SLC45A1: variants seen among roughly 807,000 people sequenced by gnomAD.
SLC45A1 encodes the protein proton-associated sugar transporter A.
SLC45A1 carries 28 observed loss-of-function variants against 57.6 expected under a neutral mutation model. The ratio of observed to expected loss-of-function variants is 0.49; its 90% CI spans 0.36 to 0.67. The LOEUF (loss-of-function observed/expected upper bound fraction) is 0.67, where lower values mean the gene tolerates loss of function less well. Among genes scored for constraint, SLC45A1 ranks in the 30% least tolerant of loss-of-function variants. The pLI is 0.00. For synonymous variants in SLC45A1, 459 were observed against 471.5 expected (o/e 0.97, Z 0.34); for missense variants, 814 against 1,041.5 (o/e 0.78, Z 3.01).
Position 8,335,047 on chromosome 1 carries a change from T to G in SLC45A1, c.1444-390T>G, listed in dbSNP as rs1229558711. 1.3e-5 allele frequency among the ~76,000 whole-genome samples: 2 copies of G among 152,168 alleles called. No homozygotes were observed. Among genetic ancestry groups the G allele is most frequent in the African/African-American group, 4.8e-5 (2 of 41,430 alleles). On this transcript the variant is annotated intron_variant, in intron 5 of 8. Coordinates refer to ENST00000471889, the MANE Select transcript of SLC45A1 (RefSeq NM_001080397.3). The surrounding 1 kb of genome is among the most constrained non-coding windows in gnomAD (Gnocchi z 4.1). ...CATGTTCCTGGTGGCCACCTTGAAA[T>G]AAGTCGTTCCCAGTCTTCTTTTACA...
chr1:8,333,200 TAG>T (rs1640472552), intron 5 of SLC45A1, among the ~76,000 whole-genome samples: 1 of 152,154 alleles, frequency 6.6e-6, no homozygotes, highest in South Asian at 2.1e-4. Context: ...GGAGGTTAAC[TAG>T]AGATGGGGCT....
chr1:8,323,362 G>A (rs1640091546), intron 1 of SLC45A1, among the ~76,000 whole-genome samples: 1 of 151,762 alleles, frequency 6.6e-6, no homozygotes, highest in South Asian at 2.1e-4. Flanking sequence ...GTGGTGGGGG[G>A]TGCCTGTAAT....
chr1:8,330,483 G>T lies in SLC45A1; in HGVS notation c.990G>T (p.Thr330=). Residue 330 remains threonine (T), a synonymous_variant, in exon 5 of 9, where the codon ACG becomes ACT. Coordinates refer to ENST00000471889, the MANE Select transcript of SLC45A1 (RefSeq NM_001080397.3). The surrounding 1 kb of genome is among the most constrained non-coding windows in gnomAD (Gnocchi z 8.4). The stretch of plus-strand genomic sequence containing the variant: ...CTGGCGACAGCCTCCCGTCGCACAC[G>T]GCCACCAACTTCTCCAGCCCCATCT... ...EGPGDSLPSH[T]ATNFSSPISP... 2.5e-6 allele frequency: 4 copies of T among 1,612,776 alleles called. No individual in the cohort carries two copies. In the South Asian group the frequency reaches 4.4e-5, roughly 18 times the overall value.
chr1:8,322,229 G>T (rs1199418473), intron 1 of SLC45A1, among the ~76,000 whole-genome samples: 2 of 7,880 alleles, frequency 2.5e-4, no homozygotes, highest in African/African-American at 5.4e-4. Flanking sequence ...ATGGATGGAT[G>T]GGTGGGTGGG....
chr1:8,326,326 A>G lies in SLC45A1; in HGVS notation c.715+284A>G, dbSNP rs930558317. 2.0e-5 allele frequency among the ~76,000 whole-genome samples: 3 copies of G among 152,220 alleles called. No individual in the cohort carries two copies. The highest frequency in any genetic ancestry group is 7.2e-5 in the African/African-American group (3 of 41,458). On this transcript the variant is annotated intron_variant, in intron 4 of 8. Transcript: ENST00000471889. This position sits in a 1 kb window ranked among gnomAD's most constrained non-coding sequence, Gnocchi z 5.5. ...AGTTATGTTCTGCAGAGTCACCACAAACACTGAATTAGCAAACACCGCATC... is the reference window on the plus strand; with the variant it reads ...AGTTATGTTCTGCAGAGTCACCACAGACACTGAATTAGCAAACACCGCATC...
In SLC45A1 at chr1:8,344,164, C is replaced by A; in HGVS notation, c.*151C>A. 1.3e-6 allele frequency: 1 copy of A among 743,348 alleles called. No individual in the cohort carries two copies. Among genetic ancestry groups the A allele is most frequent in the Non-Finnish European group, 2.0e-6 (1 of 491,852 alleles). 46.0% of individuals were successfully genotyped at this position (743,348 alleles called of 1,614,324 possible). ...AAAATAATAAATGACAGCGGCAAAG[C>A]CTATGGTTTCTAGGCATTGCTCTCT... On this transcript the variant is annotated 3_prime_UTR_variant, in exon 9 of 9. Coordinates refer to ENST00000471889, the MANE Select transcript of SLC45A1 (RefSeq NM_001080397.3).
chr1:8,333,505 G>A (rs566439216), intron 5 of SLC45A1, among the ~76,000 whole-genome samples: 1 of 152,168 alleles, frequency 6.6e-6, no homozygotes, highest in South Asian at 2.1e-4. Context: ...GTGCATTCAC[G>A]GCTCACTGCA....
At position 8,328,696 on chromosome 1, in the gene SLC45A1, G is replaced by A. The variant is rs774993362; in HGVS notation, c.716-1513G>A. Reference sequence around the variant, plus strand: ...TCTACTAAACATACAAAAATTAGCCGGGCGTGGTGGTGAGCGCCTGTAATC... The same window carrying A: ...TCTACTAAACATACAAAAATTAGCCAGGCGTGGTGGTGAGCGCCTGTAATC... On this transcript the variant is annotated intron_variant, in intron 4 of 8. Coordinates refer to ENST00000471889, the MANE Select transcript of SLC45A1 (RefSeq NM_001080397.3). The surrounding 1 kb of genome is among the most constrained non-coding windows in gnomAD (Gnocchi z 4.6). Among the ~76,000 whole-genome samples, 6 of 152,072 alleles carry A rather than the reference G, an allele frequency of 3.9e-5. No homozygotes were observed. The highest frequency in any genetic ancestry group is 3.9e-4 in the East Asian group (2 of 5,174).
intron 1 of SLC45A1, among the ~76,000 whole-genome samples, chr1:8,323,576 C>T (rs1272116621): frequency 1.3e-5 from 2 of 151,386 alleles, no homozygotes; most frequent in East Asian, 1.9e-4. Context: ...CCTCTGCATT[C>T]GCATGTTGTC....
At chr1:8,318,295 C>T (rs774544635) in intron 1 of SLC45A1, 109 bp downstream of exon 1, 9 of 400,366 alleles carry the variant, frequency 2.2e-5, no homozygotes, top group Non-Finnish European at 4.0e-5. Context: ...GGACCCGAGG[C>T]CGGCACGGAG....
At position 8,325,868 on chromosome 1, in the gene SLC45A1, G is replaced by A. The variant is rs868504736; in HGVS notation, c.541G>A (p.Ala181Thr). 11 of 1,613,932 alleles carry A rather than the reference G, an allele frequency of 6.8e-6. No homozygotes were observed. Among genetic ancestry groups the A allele is most frequent in the Non-Finnish European group, 7.6e-6 (9 of 1,180,046 alleles). ...GCTGAATGGCCGGGACATTGGCATCGCCCTGGCTGACGTGACCGGGAACCA... is the reference window on the plus strand; with the variant it reads ...GCTGAATGGCCGGGACATTGGCATCACCCTGGCTGACGTGACCGGGAACCA... ...LLLNGRDIGI[A>T]LADVTGNHKW... Residue 181 changes from alanine (A) to threonine (T), a missense_variant, in exon 4 of 9, where the codon GCC becomes ACC. Coordinates refer to ENST00000471889, the MANE Select transcript of SLC45A1 (RefSeq NM_001080397.3). This position sits in a 1 kb window ranked among gnomAD's most constrained non-coding sequence, Gnocchi z 6.3.
At position 8,325,677 on chromosome 1, in the gene SLC45A1, G is replaced by T; in HGVS notation, c.491-141G>T. ...GTGCAAAATATATGGTGAGTTTGCA[G>T]GCGGCTTTTCCACCGGGCTGTGCTT... On this transcript the variant is annotated intron_variant, in intron 3 of 8. Transcript: ENST00000471889. The surrounding 1 kb of genome is among the most constrained non-coding windows in gnomAD (Gnocchi z 6.3). The T allele has an allele frequency of 1.4e-6, 1 of 737,868 alleles. No individual in the cohort carries two copies. Among genetic ancestry groups the T allele is most frequent in the South Asian group, 1.9e-5 (1 of 53,676 alleles). The allele number at this position is 737,868 out of a possible 1,614,324, so 45.7% of individuals were successfully genotyped here. A position where few individuals can be genotyped will look rare whatever the true frequency, so the allele number is the denominator to read the frequency against.
chr1:8,344,100 C>T lies in SLC45A1; in HGVS notation c.*87C>T. ...GTGAGGACCAAAGGGCCTTGTTGGA[C>T]AGGGGGACTGGCTGCCTACTGGAAT... On this transcript the variant is annotated 3_prime_UTR_variant, in exon 9 of 9. Coordinates refer to ENST00000471889, the MANE Select transcript of SLC45A1 (RefSeq NM_001080397.3). The T allele has an allele frequency of 8.0e-7, 1 of 1,250,630 alleles. No homozygotes were observed. The highest frequency in any genetic ancestry group is 1.1e-6 in the Non-Finnish European group (1 of 907,264). 77.5% of individuals were successfully genotyped at this position (1,250,630 alleles called of 1,614,324 possible). A position where few individuals can be genotyped will look rare whatever the true frequency, so the allele number is the denominator to read the frequency against.
Position 8,343,707 on chromosome 1 carries a change from C to A in SLC45A1, c.1981-40C>A. 6.3e-7 allele frequency: 1 copy of A among 1,579,872 alleles called. No individual in the cohort carries two copies. Among genetic ancestry groups the A allele is most frequent in the Non-Finnish European group, 8.6e-7 (1 of 1,158,642 alleles). On this transcript the variant is annotated intron_variant, in intron 8 of 8. Coordinates refer to ENST00000471889, the MANE Select transcript of SLC45A1 (RefSeq NM_001080397.3). This position sits in a 1 kb window ranked among gnomAD's most constrained non-coding sequence, Gnocchi z 7.7. ...CCGAGCTCGGTCACCCCGTGCTGGC[C>A]GCGGCGTGTCTCGCTGACACGTTTC...
Position 8,325,696 on chromosome 1 carries a change from T to C in SLC45A1, c.491-122T>C, listed in dbSNP as rs1372864225. The C allele has an allele frequency of 2.2e-6, 2 of 918,818 alleles. No homozygotes were observed. The highest frequency in any genetic ancestry group is 3.2e-6 in the Non-Finnish European group (2 of 616,116). The allele number at this position is 918,818 out of a possible 1,614,324, so 56.9% of individuals were successfully genotyped here. A position where few individuals can be genotyped will look rare whatever the true frequency, so the allele number is the denominator to read the frequency against. On this transcript the variant is annotated intron_variant, in intron 3 of 8. Transcript: ENST00000471889. The surrounding 1 kb of genome is among the most constrained non-coding windows in gnomAD (Gnocchi z 6.3). ...TTTGCAGGCGGCTTTTCCACCGGGCTGTGCTTGAGGTTTAAGTTTTAAAAA... is the reference window on the plus strand; with the variant it reads ...TTTGCAGGCGGCTTTTCCACCGGGCCGTGCTTGAGGTTTAAGTTTTAAAAA...
In SLC45A1 at chr1:8,330,496, T is replaced by TCCAGCCCCATCTCGCCGC. The variant is rs1640362219; in HGVS notation, c.1012_1029dup (p.Ile338_Pro343dup). 6 of 1,612,742 alleles carry TCCAGCCCCATCTCGCCGC rather than the reference T, an allele frequency of 3.7e-6. No individual in the cohort carries two copies. The highest frequency in any genetic ancestry group is 5.1e-6 in the Non-Finnish European group (6 of 1,179,906). ...CCCGTCGCACACGGCCACCAACTTC[T>TCCAGCCCCATCTCGCCGC]CCAGCCCCATCTCGCCGCCCAGCCC... On this transcript the variant is annotated inframe_insertion, in exon 5 of 9. Coordinates refer to ENST00000471889, the MANE Select transcript of SLC45A1 (RefSeq NM_001080397.3). The surrounding 1 kb of genome is among the most constrained non-coding windows in gnomAD (Gnocchi z 8.4).
chr1:8,335,123 T>C lies in SLC45A1; in HGVS notation c.1444-314T>C, dbSNP rs1354029991. ...TGGATCTGAACTGACCCATGTTTTT[T>C]CATTTCAAATGTATTTTGCATTTTG... On this transcript the variant is annotated intron_variant, in intron 5 of 8. Transcript: ENST00000471889. The surrounding 1 kb of genome is among the most constrained non-coding windows in gnomAD (Gnocchi z 4.1). Among the ~76,000 whole-genome samples the C allele has an allele frequency of 6.6e-6, 1 of 152,234 alleles. No individual in the cohort carries two copies. The highest frequency in any genetic ancestry group is 1.5e-5 in the Non-Finnish European group (1 of 68,044).
intron 1 of SLC45A1, among the ~76,000 whole-genome samples, chr1:8,318,943 T>A (rs1318554353): frequency 6.6e-6 from 1 of 152,228 alleles, no homozygotes; most frequent in Non-Finnish European, 1.5e-5. Context: ...AGCACCTTCC[T>A]GGTCCTGGAG....
intron 5 of SLC45A1, among the ~76,000 whole-genome samples, chr1:8,334,690 G>A (rs1366650726): frequency 1.3e-5 from 2 of 152,104 alleles, no homozygotes; most frequent in African/African-American, 4.8e-5. Context: ...GCGACAGAGC[G>A]AAACTGTCTC....
Sources: gnomAD v4.1 joint callset for allele counts (sites outside exome capture counted in the v4.1 genomes callset) on GRCh38, gnomAD v4.1.1 for gene constraint, Gnocchi (gnomAD v3.1) non-coding constraint, MANE v1.5 for transcripts, NCBI Gene and HGNC (gene_info 2026-07-23, HGNC 2026-07-21) for gene names.